The following ZMYND11 variants were observed in gnomAD, a reference collection of about 807,000 sequenced individuals.
ZMYND11 encodes the protein zinc finger MYND domain-containing protein 11.
ZMYND11 carries 9 observed loss-of-function variants against 84.9 expected under a neutral mutation model. The ratio of observed to expected loss-of-function variants is 0.11; its 90% CI spans 0.06 to 0.18. The LOEUF (loss-of-function observed/expected upper bound fraction) is 0.18, where lower values mean the gene tolerates loss of function less well. Ranked by LOEUF, ZMYND11 falls within the 10% of genes least tolerant of loss-of-function variation. The pLI, the probability that ZMYND11 is intolerant of heterozygous loss-of-function variation, is 1.00. For synonymous variants in ZMYND11, 250 were observed against 244.1 expected (o/e 1.02, Z -0.23); for missense variants, 409 against 761.0 (o/e 0.54, Z 5.44).
chr10:183,586 C>T (rs1294160794), intron 2 of ZMYND11, among the ~76,000 whole-genome samples: 2 of 152,168 alleles, frequency 1.3e-5, no homozygotes, highest in African/African-American at 4.8e-5. Flanking sequence ...CCATCCTCTG[C>T]TATTTGGTTA....
chr10:135,442 GC>G, upstream of ZMYND11: 1 of 151,436 alleles, frequency 6.6e-6, no homozygotes, highest in Non-Finnish European at 1.5e-5. The surrounding 1 kb of genome is among the most constrained non-coding windows in gnomAD (Gnocchi z 5.6). Flanking sequence ...CGTCCCCCCC[GC>G]CCCCCGCGCC....
chr10:184,878 G>GT (rs975365489), intron 2 of ZMYND11, among the ~76,000 whole-genome samples: 26 of 148,880 alleles, frequency 1.7e-4, no homozygotes, highest in African/African-American at 6.1e-4. Flanking sequence ...GATTTCCTGG[G>GT]TTTTTCTCCA....
intron 1 of ZMYND11, among the ~76,000 whole-genome samples, chr10:173,584 A>G (rs555457103): frequency 6.6e-6 from 1 of 152,234 alleles, no homozygotes; most frequent in African/African-American, 2.4e-5. Context: ...TGAGCAGGGC[A>G]TGGTGGTGCA....
At chr10:224,190 T>G (rs1947671253) in intron 4 of ZMYND11, among the ~76,000 whole-genome samples, 1 of 152,226 alleles carries the variant, frequency 6.6e-6, no homozygotes, top group Admixed American at 6.5e-5. Flanking sequence ...AGAACAGGTG[T>G]TCTGTCTCCT....
chr10:171,881 TTAC>T (rs1337230845), intron 1 of ZMYND11, among the ~76,000 whole-genome samples: 1 of 152,216 alleles, frequency 6.6e-6, no homozygotes, highest in Non-Finnish European at 1.5e-5. Context: ...CCTAGCTGTC[TTAC>T]TCTATTCCTG....
intron 2 of ZMYND11, among the ~76,000 whole-genome samples, chr10:196,140 T>C (rs1393590374): frequency 3.3e-5 from 5 of 152,246 alleles, no homozygotes; most frequent in Non-Finnish European, 5.9e-5. Flanking sequence ...CAGCTGTTTC[T>C]TTTTGGCTAT....
At chr10:157,929 T>G (rs1554759893) in intron 1 of ZMYND11, among the ~76,000 whole-genome samples, 1 of 152,234 alleles carries the variant, frequency 6.6e-6, no homozygotes, top group African/African-American at 2.4e-5. Flanking sequence ...TATTTGTCTG[T>G]TCTGGACGTT....
At chr10:133,488 G>A (rs150720301), upstream of ZMYND11, among the ~76,000 whole-genome samples, 470 of 152,208 alleles carry the variant, frequency 3.1e-3, no homozygotes, top group African/African-American at 0.011. Flanking sequence ...TGGTATCTGC[G>A]TATAAAATTT....
At chr10:134,642 T>C (rs1461018996), upstream of ZMYND11, 1 of 152,178 alleles carries the variant, frequency 6.6e-6, no homozygotes, top group African/African-American at 2.4e-5. Flanking sequence ...AGAGAAGCAC[T>C]CGTACTTCTC....
intron 2 of ZMYND11, 61 bp from the exon 3 acceptor site, chr10:209,828 T>C: frequency 6.7e-7 from 1 of 1,482,924 alleles, no homozygotes. Context: ...TTTCTTATTT[T>C]CATTCATTTT....
intron 13 of ZMYND11, 69 bp downstream of exon 13, chr10:248,677 C>T: frequency 6.6e-7 from 1 of 1,514,608 alleles, no homozygotes; most frequent in South Asian, 1.3e-5. Context: ...GCTCCTTTCA[C>T]TCATGCATCA....
chr10:250,486 C>A (rs1332418901), intron 14 of ZMYND11, among the ~76,000 whole-genome samples: 2 of 152,044 alleles, frequency 1.3e-5, no homozygotes, highest in Admixed American at 6.5e-5. Context: ...TGGAGCAAGA[C>A]CCTGTCTCTT....
At chr10:194,565 TTTCTCTC>T (rs1941270092) in intron 2 of ZMYND11, among the ~76,000 whole-genome samples, 1 of 152,202 alleles carries the variant, frequency 6.6e-6, no homozygotes, top group Admixed American at 6.5e-5. Context: ...AATTTTCCAC[TTTCTCTC>T]CAACACCTGG....
chr10:217,332 G>A (rs1005239272), intron 3 of ZMYND11, among the ~76,000 whole-genome samples: 2 of 152,044 alleles, frequency 1.3e-5, no homozygotes, highest in Admixed American at 1.3e-4. Context: ...ATCGGCCTGG[G>A]TAACATGGCG....
rs41285615 is a variant in ZMYND11 at position 254,479 on chromosome 10, T to C, written c.*2009T>C. 2.0e-5 allele frequency: 3 copies of C among 152,778 alleles called. No homozygotes were observed. The highest frequency in any genetic ancestry group is 4.4e-5 in the Non-Finnish European group (3 of 68,028). The allele number at this position is 152,778 out of a possible 1,614,324, so 9.5% of individuals were successfully genotyped here. On this transcript the variant is annotated 3_prime_UTR_variant, in exon 15 of 15. Transcript: ENST00000381604. ...ATTTTCTGCAAATCATAAAGCTATA[T>C]CGAGGTGTTGAGCTTAGCCACTATG...
intron 3 of ZMYND11, among the ~76,000 whole-genome samples, chr10:218,175 G>A (rs1374488139): frequency 8.5e-5 from 13 of 152,096 alleles, no homozygotes; most frequent in Admixed American, 8.5e-4. Flanking sequence ...GTACATTGGC[G>A]GGAGATTTTC....
In ZMYND11 at chr10:254,148, CTTCT is replaced by C. The variant is rs1188144757; in HGVS notation, c.*1681_*1684del. On this transcript the variant is annotated 3_prime_UTR_variant, in exon 15 of 15. Transcript: ENST00000381604. ...GATGTCAGAACCGAGAACACTTAAC[CTTCT>C]TTGATTGTTTTTCAAGTTTTAAGAC... 1 of 152,546 alleles carries C rather than the reference CTTCT, an allele frequency of 6.6e-6. No individual in the cohort carries two copies. The highest frequency in any genetic ancestry group is 1.9e-4 in the East Asian group (1 of 5,200). 9.4% of individuals were successfully genotyped at this position (152,546 alleles called of 1,614,324 possible). A position where few individuals can be genotyped will look rare whatever the true frequency, so the allele number is the denominator to read the frequency against.
At chr10:138,132 T>C (rs1359469092) in intron 1 of ZMYND11, among the ~76,000 whole-genome samples, 1 of 146,546 alleles carries the variant, frequency 6.8e-6, no homozygotes, top group African/African-American at 2.6e-5. Context: ...TTTTTTGAGA[T>C]GGAGTCTTGC....
rs553536170 is a variant in ZMYND11 at position 143,273 on chromosome 10, G to A, written c.-20+7714G>A. Among the ~76,000 whole-genome samples the A allele has an allele frequency of 5.9e-5, 9 of 152,368 alleles. No homozygotes were observed. In the East Asian group the frequency reaches 1.7e-3, roughly 29 times the overall value. Reference sequence around the variant, plus strand: ...TGAGATCATCCTGACACTCAGCAGTGATGCTGCAACGGGATAATTGAGGGC... The same window carrying A: ...TGAGATCATCCTGACACTCAGCAGTAATGCTGCAACGGGATAATTGAGGGC... On this transcript the variant is annotated intron_variant, in intron 1 of 14. Transcript: ENST00000381604.
Sources: gnomAD v4.1 joint callset for allele counts (sites outside exome capture counted in the v4.1 genomes callset) on GRCh38, gnomAD v4.1.1 for gene constraint, Gnocchi (gnomAD v3.1) non-coding constraint, MANE v1.5 for transcripts, NCBI Gene and HGNC (gene_info 2026-07-23, HGNC 2026-07-21) for gene names.